The following ARMC2 variants were observed in gnomAD, a reference collection of about 807,000 sequenced individuals.
The protein encoded by ARMC2 is armadillo repeat-containing protein 2.
Under a neutral mutation model 90.3 loss-of-function variants are expected in ARMC2, and 67 were observed. That is an observed-to-expected ratio of 0.74 (90% CI 0.61 to 0.91). The LOEUF is 0.91. Among genes scored for constraint, ARMC2 ranks in the 40% least tolerant of loss-of-function variants. The pLI is 0.00. For synonymous variants in ARMC2, 393 were observed against 393.0 expected (o/e 1.00, Z 0.00); for missense variants, 920 against 1,030.9 (o/e 0.89, Z 1.47).
chr6:108,989,543 A>ATCTC, the ARMC2 span, among the ~76,000 whole-genome samples: 1 of 104,668 alleles, frequency 9.6e-6, no homozygotes, highest in Non-Finnish European at 2.0e-5. Flanking sequence ...AGATAGAGAT[A>ATCTC]TCTCTAGATC....
chr6:108,894,836 G>A (rs1211622379), intron 6 of ARMC2, among the ~76,000 whole-genome samples: 2 of 136,090 alleles, frequency 1.5e-5, no homozygotes, highest in African/African-American at 2.8e-5. Context: ...GTGCAATCTC[G>A]GCTCACTGCA....
At chr6:108,981,066 A>C in the ARMC2 span, among the ~76,000 whole-genome samples, 3 of 152,122 alleles carry the variant, frequency 2.0e-5, no homozygotes, top group Non-Finnish European at 4.4e-5. Context: ...AGATGAAATC[A>C]GTTTAAGTCA....
At chr6:108,850,658 C>T (rs1773911845) in intron 1 of ARMC2, among the ~76,000 whole-genome samples, 1 of 152,252 alleles carries the variant, frequency 6.6e-6, no homozygotes, top group African/African-American at 2.4e-5. Flanking sequence ...TCATAATTCA[C>T]TGTAACAAAT....
chr6:108,855,044 C>T (rs1209244381), intron 2 of ARMC2, among the ~76,000 whole-genome samples: 1 of 152,136 alleles, frequency 6.6e-6, no homozygotes, highest in Non-Finnish European at 1.5e-5. Context: ...TAAGTTTCCT[C>T]CATGATTTCT....
At chr6:109,011,069 TCA>T in the ARMC2 span, among the ~76,000 whole-genome samples, 805 of 152,362 alleles carry the variant, frequency 5.3e-3, 3 homozygotes, top group Non-Finnish European at 8.1e-3. Context: ...TCTGAAGGAA[TCA>T]CAGTTTTAGT....
At chr6:108,892,566 C>T (rs1373613296) in intron 5 of ARMC2, among the ~76,000 whole-genome samples, 4 of 151,826 alleles carry the variant, frequency 2.6e-5, no homozygotes, top group Non-Finnish European at 4.4e-5. Context: ...TTGAGACCAG[C>T]CTGACCAACA....
chr6:108,927,535 G>C (rs1297868593), intron 10 of ARMC2, among the ~76,000 whole-genome samples: 2 of 148,810 alleles, frequency 1.3e-5, no homozygotes, highest in African/African-American at 5.1e-5. Flanking sequence ...AGGTAAAGTA[G>C]ATAGCTTTCC....
chr6:108,888,739 A>C (rs371782040), intron 5 of ARMC2, among the ~76,000 whole-genome samples: 1 of 152,092 alleles, frequency 6.6e-6, no homozygotes, highest in African/African-American at 2.4e-5. Context: ...CTATTCCTCC[A>C]TGGCTACATT....
At chr6:108,907,871 A>G in intron 8 of ARMC2, 13 of 1,610,020 alleles carry the variant, frequency 8.1e-6, no homozygotes, top group South Asian at 3.3e-5. Context: ...AACTGACGCT[A>G]TCTTAGAGTC....
chr6:108,871,521 T>C (rs1031627745), intron 4 of ARMC2, among the ~76,000 whole-genome samples: 3 of 152,148 alleles, frequency 2.0e-5, no homozygotes, highest in African/African-American at 7.2e-5. Flanking sequence ...ATGGCAGGAT[T>C]GGTGCAAGGA....
intron 11 of ARMC2, among the ~76,000 whole-genome samples, chr6:108,932,771 G>C (rs1419600988): frequency 4.0e-5 from 6 of 149,702 alleles, no homozygotes; most frequent in African/African-American, 1.5e-4. Context: ...CTCGTGATCT[G>C]CCCGCCTCGG....
chr6:108,961,485 C>G (rs1336714469), intron 13 of ARMC2, 87 bp from the exon 14 acceptor site: 1 of 1,426,510 alleles, frequency 7.0e-7, no homozygotes, highest in Non-Finnish European at 9.4e-7. Context: ...GCAGCCGGCT[C>G]CTGGCCCTGC....
the ARMC2 span, among the ~76,000 whole-genome samples, chr6:109,035,270 A>G: frequency 4.6e-5 from 7 of 152,242 alleles, no homozygotes; most frequent in South Asian, 2.1e-4. Context: ...CTGAGCATCT[A>G]GTGTGTGTTA....
intron 16 of ARMC2, 112 bp from the exon 17 acceptor site, chr6:108,964,868 A>T (rs1583227196): frequency 2.5e-6 from 2 of 788,084 alleles, no homozygotes; most frequent in Non-Finnish European, 4.0e-6. Context: ...ATTTTAAGTG[A>T]TCACTGGATT....
At chr6:108,867,633 T>G (rs1775952286) in intron 3 of ARMC2, among the ~76,000 whole-genome samples, 3 of 151,768 alleles carry the variant, frequency 2.0e-5, no homozygotes, top group Admixed American at 2.0e-4. Flanking sequence ...TAGCCAAGTG[T>G]GCTGGTGCAT....
chr6:108,996,340 T>G, the ARMC2 span, among the ~76,000 whole-genome samples: 1 of 152,180 alleles, frequency 6.6e-6, no homozygotes, highest in Non-Finnish European at 1.5e-5. Flanking sequence ...TACTGAAGAT[T>G]CTTGTGGTGC....
chr6:108,907,458 C>CT (rs759986578), intron 8 of ARMC2, among the ~76,000 whole-genome samples: 15 of 104,446 alleles, frequency 1.4e-4, no homozygotes, highest in African/African-American at 3.4e-4. Flanking sequence ...TTCTTTCTTT[C>CT]TTTTTTTTTT....
In ARMC2 at chr6:108,953,271, C is replaced by T; in HGVS notation, c.1835C>T (p.Ala612Val). 6.2e-7 allele frequency: 1 copy of T among 1,613,060 alleles called. No individual in the cohort carries two copies. The highest frequency in any genetic ancestry group is 8.5e-7 in the Non-Finnish European group (1 of 1,179,886). ...DVLIKLTRVLANIAIHPGVGP... is the reference protein window; with the variant it reads ...DVLIKLTRVLVNIAIHPGVGP... ...CTCATCAAGCTGACTCGTGTGCTGG[C>T]CAACATTGCCATCCACCCGGGCGTG... Residue 612 changes from alanine (A) to valine (V), a missense_variant, in exon 13 of 18, where the codon GCC becomes GTC. Coordinates refer to ENST00000392644, the MANE Select transcript of ARMC2 (RefSeq NM_032131.6).
chr6:108,975,642 T>C (rs994152321), downstream of ARMC2, among the ~76,000 whole-genome samples: 1 of 152,250 alleles, frequency 6.6e-6, no homozygotes, highest in Non-Finnish European at 1.5e-5. Context: ...GCATTCCTAT[T>C]TCTCCACATC....
Sources: gnomAD v4.1 joint callset for allele counts (sites outside exome capture counted in the v4.1 genomes callset) on GRCh38, gnomAD v4.1.1 for gene constraint, MANE v1.5 for transcripts, NCBI Gene and HGNC (gene_info 2026-07-23, HGNC 2026-07-21) for gene names.